SLTM: variants seen among roughly 807,000 people sequenced by gnomAD.
The protein encoded by SLTM is SAFB like transcription modulator, also known as SAFB-like transcription modulator.
Under a neutral mutation model 134.6 loss-of-function variants are expected in SLTM, and 43 were observed. That is an observed-to-expected ratio of 0.32 (90% CI 0.25 to 0.41). The LOEUF (loss-of-function observed/expected upper bound fraction) is 0.41. Ranked by LOEUF, SLTM falls within the 10% of genes least tolerant of loss-of-function variation. SLTM has a pLI of 1.00. For missense variants in SLTM, 1,055 were observed against 1,288.8 expected (o/e 0.82, Z 2.78); for synonymous variants, 424 against 432.3 (o/e 0.98, Z 0.24).
In SLTM at chr15:58,879,368, C is replaced by A. The variant is rs942883031; in HGVS notation, c.*631G>T. 2.0e-5 allele frequency: 3 copies of A among 152,526 alleles called. No individual in the cohort carries two copies. Among genetic ancestry groups the A allele is most frequent in the African/African-American group, 7.2e-5 (3 of 41,448 alleles). The allele number at this position is 152,526 out of a possible 1,614,324, so 9.4% of individuals were successfully genotyped here. ...GCAAACCTGAACAAGTGTGCTGCTA[C>A]ACTAAACTGAAAATCGGTTCTCATT... is the stretch of plus-strand genomic sequence containing the variant. On this transcript the variant is annotated 3_prime_UTR_variant, in exon 21 of 21. Transcript: ENST00000380516.
chr15:58,895,363 C>G (rs2141004050), intron 9 of SLTM, among the ~76,000 whole-genome samples: 1 of 152,272 alleles, frequency 6.6e-6, no homozygotes, highest in South Asian at 2.1e-4. Flanking sequence ...AAAGACAACA[C>G]TTTCAATCTA....
intron 5 of SLTM, among the ~76,000 whole-genome samples, chr15:58,902,168 T>C (rs1238296498): frequency 2.6e-5 from 4 of 152,088 alleles, no homozygotes; most frequent in African/African-American, 7.2e-5. Flanking sequence ...AGAACCAACA[T>C]TTTCCCAAAT....
chr15:58,927,333 A>T (rs1290035443), intron 2 of SLTM, among the ~76,000 whole-genome samples: 1 of 151,970 alleles, frequency 6.6e-6, no homozygotes, highest in Non-Finnish European at 1.5e-5. Flanking sequence ...GCAATGGCGC[A>T]ATCTCAGCTC....
chr15:58,894,757 T>G (rs1180052407), intron 9 of SLTM, among the ~76,000 whole-genome samples, 175 bp from the exon 10 acceptor site: 6 of 146,758 alleles, frequency 4.1e-5, no homozygotes. Flanking sequence ...CAGGCTGGAG[T>G]GCAGTGGTGT....
At chr15:58,911,748 C>T (rs1044923494) in intron 5 of SLTM, among the ~76,000 whole-genome samples, 1 of 152,164 alleles carries the variant, frequency 6.6e-6, no homozygotes, top group African/African-American at 2.4e-5. Context: ...ATGTGTATCA[C>T]ATATAGCAGC....
At chr15:58,921,373 AAAT>A (rs1337428934) in intron 2 of SLTM, 1 of 160,880 alleles carries the variant, frequency 6.2e-6, no homozygotes, top group Non-Finnish European at 1.4e-5. Flanking sequence ...CAGTTGTTTA[AAAT>A]ATTATCTCTT....
chr15:58,893,413 A>G, intron 12 of SLTM, 49 bp from the exon 13 acceptor site: 1 of 1,319,478 alleles, frequency 7.6e-7, no homozygotes, highest in Non-Finnish European at 1.1e-6. Flanking sequence ...TTTCATTGAG[A>G]AAGAAAATAT....
intron 20 of SLTM, among the ~76,000 whole-genome samples, chr15:58,882,340 G>C (rs7179456): frequency 6.6e-6 from 1 of 151,906 alleles, no homozygotes; most frequent in East Asian, 1.9e-4. Flanking sequence ...AAAAAGGAGA[G>C]GAATGAGTTT....
rs1429210726 is a variant in SLTM at position 58,908,125 on chromosome 15, C to T, written c.561+4438G>A. Among the ~76,000 whole-genome samples the T allele has an allele frequency of 3.3e-5, 5 of 150,778 alleles. No individual in the cohort carries two copies. The East Asian group carries it at 9.7e-4, about 29-fold the overall frequency. On this transcript the variant is annotated intron_variant, in intron 5 of 20. Coordinates refer to ENST00000380516, the MANE Select transcript of SLTM (RefSeq NM_024755.4). ...ATGATTGAGTGCAGTGGCACAATCA[C>T]GGCTCACTGCAGCCTCAACCTCCTG...
At chr15:58,923,472 G>C (rs1176988510) in intron 2 of SLTM, among the ~76,000 whole-genome samples, 2 of 152,176 alleles carry the variant, frequency 1.3e-5, no homozygotes, top group Non-Finnish European at 2.9e-5. Context: ...CTAACTTTGT[G>C]TGTAACCCCA....
At chr15:58,891,213 T>C (rs2034620096) in intron 14 of SLTM, among the ~76,000 whole-genome samples, 2 of 152,186 alleles carry the variant, frequency 1.3e-5, no homozygotes, top group Admixed American at 1.3e-4. Flanking sequence ...ACAATGACCA[T>C]GGGGCAGATA....
chr15:58,883,187 T>A (rs1236806119), intron 20 of SLTM, among the ~76,000 whole-genome samples: 4 of 152,138 alleles, frequency 2.6e-5, no homozygotes, highest in African/African-American at 9.7e-5. Context: ...TGGTGGCACA[T>A]GCCTGTAATC....
chr15:58,927,882 T>C (rs867353803), intron 2 of SLTM, among the ~76,000 whole-genome samples: 2 of 152,258 alleles, frequency 1.3e-5, no homozygotes, highest in African/African-American at 4.8e-5. Flanking sequence ...CTGTGTTATA[T>C]GAAATGTGCT....
intron 2 of SLTM, among the ~76,000 whole-genome samples, chr15:58,922,377 C>CAAAAAAAAAAAAAAA (rs59996812): frequency 3.3e-5 from 2 of 61,146 alleles, no homozygotes; most frequent in African/African-American, 7.9e-5. Context: ...AACTCTGCCT[C>CAAAAAAAAAAAAAAA]AAAAAAAAAA....
intron 2 of SLTM, among the ~76,000 whole-genome samples, chr15:58,931,564 T>C (rs1194624943): frequency 2.0e-5 from 3 of 152,130 alleles, no homozygotes; most frequent in East Asian, 3.8e-4. Context: ...AATCCAGATA[T>C]ATCATGTCCA....
rs2036358221 is a variant in SLTM at position 58,912,596 on chromosome 15, T to C, written c.528A>G (p.Gln176=). 6.2e-7 allele frequency: 1 copy of C among 1,608,866 alleles called. No homozygotes were observed. Among genetic ancestry groups the C allele is most frequent in the Admixed American group, 1.7e-5 (1 of 59,580 alleles). The part of the protein sequence containing the change: ...EDIESQEIEA[Q]EGEDDTFLTA... ...TTAGAAAGGTATCATCTTCACCTTC[T>C]TGAGCTTCAATTTCCTAAGTAAAAG... The change falls in exon 5 of 21, where the codon CAA becomes CAG. Residue 176 remains glutamine, a synonymous_variant. Coordinates refer to ENST00000380516, the MANE Select transcript of SLTM (RefSeq NM_024755.4).
At chr15:58,887,955 A>G (rs1283249237) in intron 17 of SLTM, among the ~76,000 whole-genome samples, 2 of 152,202 alleles carry the variant, frequency 1.3e-5, no homozygotes, top group Admixed American at 6.5e-5. Context: ...GTGCTAGACC[A>G]GCCTGGCCAA....
chr15:58,924,095 G>A (rs1259207251), intron 2 of SLTM, among the ~76,000 whole-genome samples: 2 of 152,072 alleles, frequency 1.3e-5, no homozygotes, highest in South Asian at 2.1e-4. Flanking sequence ...GATTAGAGGC[G>A]TGAGCCACCA....
chr15:58,913,428 GA>G, intron 4 of SLTM, 70 bp downstream of exon 4: 2 of 1,298,538 alleles, frequency 1.5e-6, no homozygotes, highest in Non-Finnish European at 2.1e-6. Flanking sequence ...AATTGAACTA[GA>G]AAAAAATACT....
Sources: gnomAD v4.1 joint callset for allele counts (sites outside exome capture counted in the v4.1 genomes callset) on GRCh38, gnomAD v4.1.1 for gene constraint, MANE v1.5 for transcripts, NCBI Gene and HGNC (gene_info 2026-07-23, HGNC 2026-07-21) for gene names.